The following OTULINL variants were observed in gnomAD, a reference collection of about 807,000 sequenced individuals.
The protein encoded by OTULINL is OTU deubiquitinase with linear linkage specificity like.
A neutral mutation model predicts 43.9 loss-of-function variants in OTULINL; 42 were observed. That is an observed-to-expected ratio of 0.96 (90% confidence interval 0.75 to 1.24). The LOEUF is 1.24. Among genes scored for constraint, OTULINL ranks in the 50% most tolerant of loss-of-function variants. OTULINL has a pLI of 0.00. For synonymous variants in OTULINL, 172 were observed against 153.6 expected, an observed-to-expected ratio of 1.12 and a Z score of -0.88; for missense variants, 411 against 426.4, an observed-to-expected ratio of 0.96 and a Z score of 0.32.
chr5:14,595,558 G>GT (rs2126775866), intron 1 of OTULINL, among the ~76,000 whole-genome samples: 1 of 132,098 alleles, frequency 7.6e-6, no homozygotes, highest in Non-Finnish European at 1.6e-5. Flanking sequence ...CTGTTTTAAT[G>GT]TTTGAATTAC....
At position 14,612,158 on chromosome 5, in the gene OTULINL, G is replaced by A. The variant is rs1759593247; in HGVS notation, c.*1844G>A. ...GTGTTAGAAGATATCCCCCTGATGT[G>A]TTACTGTAACCAAGAAAGCATGAAC... On this transcript the variant is annotated 3_prime_UTR_variant, in exon 8 of 8. Transcript: ENST00000274217. 1 of 152,202 alleles carries A rather than the reference G, an allele frequency of 6.6e-6. No homozygotes were observed. The highest frequency in any genetic ancestry group is 1.5e-5 in the Non-Finnish European group (1 of 68,032). 9.4% of individuals were successfully genotyped at this position (152,202 alleles called of 1,614,324 possible).
chr5:14,611,977 C>T lies in OTULINL; in HGVS notation c.*1663C>T, dbSNP rs888908022. ...GATCAGTCGTGTGTACTACATGAACCATGTCTGATGGTAGCTTGTTCCCAC... is the reference window on the plus strand; with the variant it reads ...GATCAGTCGTGTGTACTACATGAACTATGTCTGATGGTAGCTTGTTCCCAC... On this transcript the variant is annotated 3_prime_UTR_variant, in exon 8 of 8. Coordinates refer to ENST00000274217, the MANE Select transcript of OTULINL (RefSeq NM_019018.3). The T allele has an allele frequency of 1.3e-5, 2 of 152,106 alleles. No homozygotes were observed. The highest frequency in any genetic ancestry group is 4.1e-4 in the South Asian group (2 of 4,830). The allele number at this position is 152,106 out of a possible 1,614,324, so 9.4% of individuals were successfully genotyped here.
intron 5 of OTULINL, among the ~76,000 whole-genome samples, chr5:14,604,595 A>G (rs1017768411): frequency 7.2e-5 from 11 of 152,224 alleles, no homozygotes; most frequent in African/African-American, 2.7e-4. Flanking sequence ...CATGTTGACA[A>G]TAACTGCAAC....
chr5:14,614,618 T>G lies in OTULINL; in HGVS notation c.*4304T>G. On this transcript the variant is annotated 3_prime_UTR_variant, in exon 8 of 8. Transcript: ENST00000274217. The stretch of plus-strand genomic sequence containing the variant: ...GGACAGAAAAACACTCACTCACGTA[T>G]TCAGCCACGTATGGTCTGGAGTGCT... 2.5e-6 allele frequency: 1 copy of G among 398,638 alleles called. No homozygotes were observed. 24.7% of individuals were successfully genotyped at this position (398,638 alleles called of 1,614,324 possible).
chr5:14,586,273 CAG>C (rs1197697841), intron 1 of OTULINL, among the ~76,000 whole-genome samples: 7 of 152,314 alleles, frequency 4.6e-5, no homozygotes, highest in Admixed American at 2.0e-4. Flanking sequence ...AATAAATCAA[CAG>C]AAAGTTTTTG....
At chr5:14,582,903 A>C (rs1038888061) in intron 1 of OTULINL, among the ~76,000 whole-genome samples, 3 of 149,790 alleles carry the variant, frequency 2.0e-5, no homozygotes, top group Non-Finnish European at 4.4e-5. Context: ...CGACGTCTCC[A>C]CCCGCTGGCT....
In OTULINL at chr5:14,602,333, G is replaced by T; in HGVS notation, c.498+1G>T. 1.9e-6 allele frequency: 3 copies of T among 1,611,740 alleles called. No homozygotes were observed. Among genetic ancestry groups the T allele is most frequent in the East Asian group, 2.2e-5 (1 of 44,838 alleles). On this transcript the variant is annotated splice_donor_variant, in intron 5 of 7. Coordinates refer to ENST00000274217, the MANE Select transcript of OTULINL (RefSeq NM_019018.3). LOFTEE classifies it high-confidence loss of function. ...GATGAAAGAAAAGGACATTGTTAAG[G>T]TATGTCTTCCCCCTGGAAATGTGGG... is the stretch of plus-strand genomic sequence containing the variant.
At chr5:14,599,504 T>A (rs1049234564) in intron 1 of OTULINL, among the ~76,000 whole-genome samples, 5 of 151,404 alleles carry the variant, frequency 3.3e-5, no homozygotes, top group East Asian at 1.9e-4. Context: ...AAAAAAAAAA[T>A]TGCTAGTGTT....
intron 5 of OTULINL, among the ~76,000 whole-genome samples, chr5:14,605,983 C>A (rs1338400542): frequency 6.6e-6 from 1 of 152,150 alleles, no homozygotes; most frequent in Non-Finnish European, 1.5e-5. Context: ...AAGTCGCTTT[C>A]ATGTTTTCGG....
At chr5:14,609,661 C>G (rs553781713) in intron 7 of OTULINL, among the ~76,000 whole-genome samples, 2 of 143,678 alleles carry the variant, frequency 1.4e-5, no homozygotes, top group Non-Finnish European at 3.0e-5. Context: ...GACGGAGTCT[C>G]GTTCTGTCGC....
chr5:14,612,046 G>C lies in OTULINL; in HGVS notation c.*1732G>C, dbSNP rs27354. ...TTGAAGATTAATGAGCTCAGCCACA[G>C]AAACAAGAGTTCTTCATTGACCTCT... On this transcript the variant is annotated 3_prime_UTR_variant, in exon 8 of 8. Transcript: ENST00000274217. 142,250 of 152,328 alleles carry C rather than the reference G, an allele frequency of 0.93. 66,574 individuals carry two copies. The highest frequency in any genetic ancestry group is 0.98 in the African/African-American group (40,768 of 41,570). The allele number at this position is 152,328 out of a possible 1,614,324, so 9.4% of individuals were successfully genotyped here.
rs1759660351 is a variant in OTULINL at position 14,615,577 on chromosome 5, GT to G, written c.*5264del. 6.6e-6 allele frequency among the ~76,000 whole-genome samples: 1 copy of G among 152,164 alleles called. No individual in the cohort carries two copies. On this transcript the variant is annotated 3_prime_UTR_variant, in exon 8 of 8. Coordinates refer to ENST00000274217, the MANE Select transcript of OTULINL (RefSeq NM_019018.3). Reference sequence around the variant, plus strand: ...AGGGCCAGAGATGAGGGGACGCCTGGTGAAAATGGTGTTTGTTGTAACATCT... The same window carrying G: ...AGGGCCAGAGATGAGGGGACGCCTGGGAAAATGGTGTTTGTTGTAACATCT...
intron 1 of OTULINL, among the ~76,000 whole-genome samples, chr5:14,596,227 G>T (rs1388558988): frequency 6.6e-6 from 1 of 152,086 alleles, no homozygotes; most frequent in Admixed American, 6.6e-5. Flanking sequence ...AATTCGTGGA[G>T]GTGAAACCTT....
chr5:14,591,621 G>A (rs879601793), intron 1 of OTULINL, among the ~76,000 whole-genome samples: 1 of 152,208 alleles, frequency 6.6e-6, no homozygotes, highest in Non-Finnish European at 1.5e-5. Flanking sequence ...CGGGAAACTT[G>A]AGAGTGAGTG....
At chr5:14,593,432 A>C (rs1345066308) in intron 1 of OTULINL, among the ~76,000 whole-genome samples, 1 of 152,222 alleles carries the variant, frequency 6.6e-6, no homozygotes, top group Non-Finnish European at 1.5e-5. Context: ...CTCTAGCTAG[A>C]AAATGACAGA....
rs577120304 is a variant in OTULINL, at chr5:14,614,627, G to A, written c.*4313G>A. The A allele has an allele frequency of 2.5e-5, 10 of 398,592 alleles. No individual in the cohort carries two copies. Among genetic ancestry groups the A allele is most frequent in the Admixed American group, 4.4e-5 (1 of 22,742 alleles). The allele number at this position is 398,592 out of a possible 1,614,324, so 24.7% of individuals were successfully genotyped here. A position where few individuals can be genotyped will look rare whatever the true frequency, so the allele number is the denominator to read the frequency against. On this transcript the variant is annotated 3_prime_UTR_variant, in exon 8 of 8. Coordinates refer to ENST00000274217, the MANE Select transcript of OTULINL (RefSeq NM_019018.3). ...AACACTCACTCACGTATTCAGCCAC[G>A]TATGGTCTGGAGTGCTCTGTAGAAC... is the stretch of plus-strand genomic sequence containing the variant.
chr5:14,594,397 C>T (rs1759253430), intron 1 of OTULINL, among the ~76,000 whole-genome samples: 1 of 152,168 alleles, frequency 6.6e-6, no homozygotes, highest in African/African-American at 2.4e-5. Context: ...CAATCAGTTC[C>T]CACACTGAAG....
chr5:14,599,711 A>G lies in OTULINL; in HGVS notation c.65-1254A>G, dbSNP rs575372670. 1.1e-4 allele frequency among the ~76,000 whole-genome samples: 17 copies of G among 152,328 alleles called. No individual in the cohort carries two copies. The South Asian group carries it at 3.5e-3, about 32-fold the overall frequency. On this transcript the variant is annotated intron_variant, in intron 1 of 7. Transcript: ENST00000274217. ...AACCCCAGAGGTTTGGTCATTATTC[A>G]AAGTCCTCTTTCTCATTTGTACTTC...
intron 1 of OTULINL, among the ~76,000 whole-genome samples, chr5:14,596,158 C>A (rs1011344010): frequency 5.9e-5 from 9 of 152,010 alleles, no homozygotes; most frequent in Non-Finnish European, 1.2e-4. Context: ...ATTTTTTTTG[C>A]CAAAACTTGT....
Sources: gnomAD v4.1 joint callset for allele counts (sites outside exome capture counted in the v4.1 genomes callset) on GRCh38, gnomAD v4.1.1 for gene constraint, MANE v1.5 for transcripts, NCBI Gene and HGNC (gene_info 2026-07-23, HGNC 2026-07-21) for gene names.